Variants in PLCL1 observed in about 807,000 individuals in gnomAD.
PLCL1 encodes phospholipase C like 1 (inactive).
In PLCL1, 41 loss-of-function variants were observed where a neutral mutation model predicts 84.4. The observed-to-expected ratio is 0.49, with a 90% CI of 0.38 to 0.63. PLCL1 has a LOEUF of 0.63. Among genes scored for constraint, PLCL1 ranks in the 30% least tolerant of loss-of-function variants. The pLI, the probability that PLCL1 is intolerant of heterozygous loss-of-function variation, is 0.00. For missense variants in PLCL1, 1,206 were observed against 1,367.8 expected (o/e 0.88, Z 1.87); for synonymous variants, 490 against 488.3 (o/e 1.00, Z -0.05).
Position 198,013,544 on chromosome 2 carries a change from G to A in PLCL1, c.241-70214G>A, listed in dbSNP as rs780859253. Among the ~76,000 whole-genome samples the A allele has an allele frequency of 1.1e-3, 172 of 152,182 alleles. 1 individual carries two copies. In the Middle Eastern group the frequency reaches 0.017, roughly 15 times the overall value. ...CTGATTAATATTATACTAGAAAGTG[G>A]TTTGCTGTTTTATTTGACTACAGCT... On this transcript the variant is annotated intron_variant, in intron 1 of 5. Transcript: ENST00000428675.
Position 198,085,322 on chromosome 2 carries a change from T to C in PLCL1, c.1805T>C (p.Leu602Pro). 5 of 1,613,638 alleles carry C rather than the reference T, an allele frequency of 3.1e-6. No homozygotes were observed. The South Asian group carries it at 5.5e-5, about 18-fold the overall frequency. The change falls in exon 2 of 6, where the codon CTA becomes CCA. Residue 602 changes from leucine to proline, a missense_variant. Transcript: ENST00000428675. The surrounding 1 kb of genome is among the most constrained non-coding windows in gnomAD (Gnocchi z 5.3). ...CKSVQYRDFE[L>P]SMKSQNYWEM... ...TCTGTTCAATACAGGGATTTTGAACTATCTATGAAAAGCCAAAACTATTGG... is the reference window on the plus strand; with the variant it reads ...TCTGTTCAATACAGGGATTTTGAACCATCTATGAAAAGCCAAAACTATTGG...
At chr2:197,978,633 T>G (rs546573515) in intron 1 of PLCL1, among the ~76,000 whole-genome samples, 2 of 152,320 alleles carry the variant, frequency 1.3e-5, no homozygotes, top group South Asian at 4.1e-4. Flanking sequence ...TTAAGAAAGA[T>G]GAATAAAAAC....
At chr2:198,068,529 T>G (rs1460738039) in intron 1 of PLCL1, among the ~76,000 whole-genome samples, 1 of 152,214 alleles carries the variant, frequency 6.6e-6, no homozygotes, top group Non-Finnish European at 1.5e-5. Context: ...TAGAAATTTA[T>G]CCTCTCAGGG....
At chr2:198,103,420 T>A (rs1479356330) in intron 4 of PLCL1, among the ~76,000 whole-genome samples, 1 of 152,046 alleles carries the variant, frequency 6.6e-6, no homozygotes, top group African/African-American at 2.4e-5. Flanking sequence ...AGCATTTCTC[T>A]TTTGTGTTAC....
At chr2:197,949,380 C>T (rs150755929) in intron 1 of PLCL1, among the ~76,000 whole-genome samples, 275 of 152,250 alleles carry the variant, frequency 1.8e-3, no homozygotes, top group African/African-American at 6.3e-3. Flanking sequence ...TGGACATCTG[C>T]ACTCATTTGT....
At chr2:198,001,860 A>G (rs1420788846) in intron 1 of PLCL1, 3 of 254,458 alleles carry the variant, frequency 1.2e-5, no homozygotes, top group East Asian at 1.0e-4. Context: ...GCGAAACCCT[A>G]TTGTGAACTG....
intron 1 of PLCL1, among the ~76,000 whole-genome samples, chr2:198,043,603 A>G (rs1691718427): frequency 6.6e-6 from 1 of 152,210 alleles, no homozygotes; most frequent in Non-Finnish European, 1.5e-5. Context: ...GGAGACCCAG[A>G]ATCAGGTGGA....
chr2:198,061,975 A>G (rs963864373), intron 1 of PLCL1, among the ~76,000 whole-genome samples: 2 of 152,192 alleles, frequency 1.3e-5, no homozygotes, highest in African/African-American at 4.8e-5. Flanking sequence ...TACTGAGAAG[A>G]AATGTATTCC....
At position 198,085,969 on chromosome 2, in the gene PLCL1, T is replaced by C; in HGVS notation, c.2452T>C (p.Cys818Arg). ...AGGGCAATATACGATACCATTTGAA[T>C]GTTTGCAGCCTGGATATCGGCATGT... ...FIGQYTIPFE[C>R]LQPGYRHVPL... Residue 818 changes from cysteine to arginine, a missense_variant, in exon 2 of 6, where the codon TGT becomes CGT. Physicochemically the swap from Cys to Arg is radical, Grantham distance 180. Transcript: ENST00000428675. This position sits in a 1 kb window ranked among gnomAD's most constrained non-coding sequence, Gnocchi z 5.3. The C allele has an allele frequency of 6.2e-7, 1 of 1,614,166 alleles. No homozygotes were observed. The highest frequency in any genetic ancestry group is 8.5e-7 in the Non-Finnish European group (1 of 1,180,006).
Position 197,805,608 on chromosome 2 carries a change from T to A in PLCL1, c.240+269T>A, listed in dbSNP as rs1349260667. On this transcript the variant is annotated intron_variant, in intron 1 of 5. Transcript: ENST00000428675. The surrounding 1 kb of genome is among the most constrained non-coding windows in gnomAD (Gnocchi z 4.0). ...CTGATGGATGCTTTCCCTCATTTTC[T>A]CTGCAAGCTTCACTAAACCGTTGAT... Among the ~76,000 whole-genome samples, 1 of 152,200 alleles carries A rather than the reference T, an allele frequency of 6.6e-6. No individual in the cohort carries two copies. The highest frequency in any genetic ancestry group is 1.9e-4 in the East Asian group (1 of 5,196).
intron 5 of PLCL1, among the ~76,000 whole-genome samples, chr2:198,105,431 G>A (rs1428624897): frequency 2.6e-5 from 4 of 151,882 alleles, no homozygotes; most frequent in Non-Finnish European, 4.4e-5. Flanking sequence ...TTGTAGTATC[G>A]TTTGAAGTTG....
intron 5 of PLCL1, among the ~76,000 whole-genome samples, chr2:198,141,923 C>T (rs1027431332): frequency 6.6e-6 from 1 of 152,168 alleles, no homozygotes; most frequent in African/African-American, 2.4e-5. Flanking sequence ...CCCAGAGTCC[C>T]AATTAGCTGC....
In PLCL1 at chr2:198,084,333, C is replaced by A. The variant is rs1692798811; in HGVS notation, c.816C>A (p.Asn272Lys). The A allele has an allele frequency of 1.2e-6, 2 of 1,614,008 alleles. No individual in the cohort carries two copies. The highest frequency in any genetic ancestry group is 1.7e-6 in the Non-Finnish European group (2 of 1,179,914). Residue 272 changes from asparagine (N) to lysine (K), a missense_variant, in exon 2 of 6, where the codon AAC (asparagine) becomes AAA (lysine). Physicochemically the swap from Asn to Lys is moderately conservative, Grantham distance 94. Coordinates refer to ENST00000428675, the MANE Select transcript of PLCL1 (RefSeq NM_006226.4). ...CTGTAGAGTTAATAAAACAACTCAACCCTACTCTGAAGGAAGCCAAGATCA... is the reference window on the plus strand; with the variant it reads ...CTGTAGAGTTAATAAAACAACTCAAACCTACTCTGAAGGAAGCCAAGATCA... The part of the protein sequence containing the change: ...DTSVELIKQL[N>K]PTLKEAKIRL...
intron 5 of PLCL1, among the ~76,000 whole-genome samples, chr2:198,128,533 G>A (rs951568707): frequency 5.3e-5 from 8 of 152,094 alleles, no homozygotes; most frequent in Admixed American, 5.2e-4. Flanking sequence ...CGCTTAGTCC[G>A]TTCCTGGGTG....
chr2:198,008,362 A>T (rs980767438), intron 1 of PLCL1, among the ~76,000 whole-genome samples: 12 of 151,764 alleles, frequency 7.9e-5, no homozygotes, highest in African/African-American at 2.9e-4. Flanking sequence ...ACAACTCCCC[A>T]TTTCTCCTTC....
At chr2:197,868,303 T>G (rs770731435) in intron 1 of PLCL1, among the ~76,000 whole-genome samples, 1 of 152,184 alleles carries the variant, frequency 6.6e-6, no homozygotes, top group Non-Finnish European at 1.5e-5. Context: ...TGCAGTGTCT[T>G]TCATATCAGA....
intron 5 of PLCL1, among the ~76,000 whole-genome samples, chr2:198,114,811 GCA>G (rs1406064996): frequency 6.6e-6 from 1 of 151,124 alleles, no homozygotes; most frequent in African/African-American, 2.4e-5. Context: ...GTGTGTGTGT[GCA>G]TATATATATC....
intron 1 of PLCL1, among the ~76,000 whole-genome samples, chr2:198,008,662 A>G (rs1690791338): frequency 1.3e-5 from 2 of 152,000 alleles, no homozygotes; most frequent in Non-Finnish European, 2.9e-5. Context: ...GCCACAAGGA[A>G]TGGGTGTCCA....
intron 1 of PLCL1, among the ~76,000 whole-genome samples, chr2:197,925,630 T>G (rs1688817037): frequency 6.6e-6 from 1 of 152,206 alleles, no homozygotes. Flanking sequence ...GAGGAAATCA[T>G]ATGTTGTAGT....
Sources: gnomAD v4.1 joint callset for allele counts (sites outside exome capture counted in the v4.1 genomes callset) on GRCh38, gnomAD v4.1.1 for gene constraint, Gnocchi (gnomAD v3.1) non-coding constraint, MANE v1.5 for transcripts, NCBI Gene and HGNC (gene_info 2026-07-23, HGNC 2026-07-21) for gene names.